Variants in MAF observed in about 807,000 individuals in gnomAD.
MAF encodes the protein MAF bZIP transcription factor.
A neutral mutation model predicts 22.0 loss-of-function variants in MAF; 10 were observed. The observed-to-expected ratio is 0.45, with a 90% confidence interval of 0.28 to 0.77. The LOEUF (loss-of-function observed/expected upper bound fraction) is 0.77, where lower values mean the gene tolerates loss of function less well. Ranked by LOEUF, MAF falls within the 30% of genes least tolerant of loss-of-function variation. The pLI, the probability that MAF is intolerant of heterozygous loss-of-function variation, is 0.12. For synonymous variants in MAF, 337 were observed against 255.8 expected, an observed-to-expected ratio of 1.32 and a Z score of -3.03; for missense variants, 544 against 548.4, an observed-to-expected ratio of 0.99 and a Z score of 0.08.
At chr16:79,293,458 G>A in the MAF span, among the ~76,000 whole-genome samples, 2 of 152,114 alleles carry the variant, frequency 1.3e-5, no homozygotes, top group Non-Finnish European at 2.9e-5. Flanking sequence ...CTTTCTATAT[G>A]TTACATTTTT....
At chr16:79,212,272 T>C in the MAF span, 2 of 1,220,726 alleles carry the variant, frequency 1.6e-6, no homozygotes, top group Non-Finnish European at 2.2e-6. Context: ...TCATTCATCC[T>C]GACCAAGACT....
At chr16:79,432,311 C>T in the MAF span, among the ~76,000 whole-genome samples, 5 of 152,224 alleles carry the variant, frequency 3.3e-5, no homozygotes, top group East Asian at 1.9e-4. Flanking sequence ...GTCAATGAGA[C>T]CTCTTTATCA....
the MAF span, among the ~76,000 whole-genome samples, chr16:79,439,196 A>G: frequency 1.3e-5 from 2 of 151,438 alleles, no homozygotes; most frequent in Non-Finnish European, 2.9e-5. Context: ...AGTTCTTTGC[A>G]CTGCACCTGC....
At chr16:79,234,511 T>C in the MAF span, among the ~76,000 whole-genome samples, 1 of 152,116 alleles carries the variant, frequency 6.6e-6, no homozygotes, top group African/African-American at 2.4e-5. Context: ...TTAATAACTT[T>C]TAGTGCACAT....
chr16:79,375,846 G>T, the MAF span, among the ~76,000 whole-genome samples: 1 of 152,118 alleles, frequency 6.6e-6, no homozygotes, highest in East Asian at 1.9e-4. Flanking sequence ...CTCTGAACCT[G>T]GGAAGCATAC....
the MAF span, chr16:79,204,446 C>G: frequency 2.6e-5 from 4 of 152,132 alleles, no homozygotes; most frequent in East Asian, 1.9e-4. Flanking sequence ...CAAAGCATGT[C>G]TAGGGTCTCA....
At chr16:79,416,170 T>C in the MAF span, among the ~76,000 whole-genome samples, 1 of 152,166 alleles carries the variant, frequency 6.6e-6, no homozygotes, top group South Asian at 2.1e-4. Context: ...GATTGCTCAC[T>C]GCTAATAGTT....
At chr16:79,558,684 G>A in the MAF span, among the ~76,000 whole-genome samples, 15 of 152,218 alleles carry the variant, frequency 9.9e-5, no homozygotes, top group South Asian at 4.2e-4. Flanking sequence ...AGGATACACC[G>A]TTGAGTGATG....
chr16:79,417,851 G>C, the MAF span, among the ~76,000 whole-genome samples: 1 of 152,026 alleles, frequency 6.6e-6, no homozygotes, highest in Non-Finnish European at 1.5e-5. Flanking sequence ...CACACGACGC[G>C]GCACACGTTA....
At chr16:79,381,366 G>T in the MAF span, among the ~76,000 whole-genome samples, 1 of 152,128 alleles carries the variant, frequency 6.6e-6, no homozygotes, top group Non-Finnish European at 1.5e-5. Context: ...TCCATACTCT[G>T]AATCTTTAAG....
the MAF span, among the ~76,000 whole-genome samples, chr16:79,295,199 G>A: frequency 1.7e-3 from 258 of 152,270 alleles, 1 homozygote; most frequent in African/African-American, 5.8e-3. Flanking sequence ...TCCTTGCTGC[G>A]TTTTCAACCA....
At chr16:79,589,843 G>A (rs1434242248), downstream of MAF, among the ~76,000 whole-genome samples, 2 of 152,200 alleles carry the variant, frequency 1.3e-5, no homozygotes, top group Non-Finnish European at 2.9e-5. Context: ...GCTGGGTGTG[G>A]CCGTCATTAG....
At chr16:79,518,893 C>T in the MAF span, among the ~76,000 whole-genome samples, 1 of 151,924 alleles carries the variant, frequency 6.6e-6, no homozygotes, top group East Asian at 1.9e-4. Context: ...CCACTGCAGT[C>T]CAGTCTGGGT....
the MAF span, among the ~76,000 whole-genome samples, chr16:79,343,153 T>A: frequency 6.6e-6 from 1 of 152,126 alleles, no homozygotes; most frequent in Admixed American, 6.6e-5. Flanking sequence ...TCGGGTGACA[T>A]TGTATCATTC....
the MAF span, among the ~76,000 whole-genome samples, chr16:79,439,805 C>T: frequency 1.3e-5 from 2 of 152,202 alleles, no homozygotes; most frequent in East Asian, 3.8e-4. Flanking sequence ...AGATGCCCAG[C>T]AGTCACGGGA....
At chr16:79,415,927 G>A in the MAF span, among the ~76,000 whole-genome samples, 16 of 151,828 alleles carry the variant, frequency 1.1e-4, no homozygotes, top group Non-Finnish European at 1.6e-4. Flanking sequence ...ATTGTATTAC[G>A]GTCCTTAGAA....
At chr16:79,326,419 C>A in the MAF span, among the ~76,000 whole-genome samples, 1 of 152,184 alleles carries the variant, frequency 6.6e-6, no homozygotes, top group African/African-American at 2.4e-5. Flanking sequence ...CAAATTGCAG[C>A]ATTTAAAAAT....
chr16:79,324,954 G>A, the MAF span, among the ~76,000 whole-genome samples: 1 of 152,068 alleles, frequency 6.6e-6, no homozygotes, highest in African/African-American at 2.4e-5. Context: ...GCAATCATTG[G>A]TGCTCTGTGG....
At chr16:79,252,967 T>C in the MAF span, among the ~76,000 whole-genome samples, 2 of 152,174 alleles carry the variant, frequency 1.3e-5, no homozygotes, top group Non-Finnish European at 2.9e-5. Context: ...GTAAAACTGC[T>C]CTAAAACAAA....
Sources: gnomAD v4.1 joint callset for allele counts (sites outside exome capture counted in the v4.1 genomes callset) on GRCh38, gnomAD v4.1.1 for gene constraint, MANE v1.5 for transcripts, NCBI Gene and HGNC (gene_info 2026-07-23, HGNC 2026-07-21) for gene names.